Variants in AUTS2 observed in about 807,000 individuals in gnomAD.
The protein encoded by AUTS2 is activator of transcription and developmental regulator AUTS2.
In AUTS2, 17 loss-of-function variants were observed where a neutral mutation model predicts 112.4. That is an observed-to-expected ratio of 0.15 (90% confidence interval 0.10 to 0.23). The LOEUF (loss-of-function observed/expected upper bound fraction) is 0.23, where lower values mean the gene tolerates loss of function less well. AUTS2 is among the 10% of genes least tolerant of loss of function. AUTS2 has a pLI of 1.00. For synonymous variants in AUTS2, 751 were observed against 702.7 expected (o/e 1.07, Z -1.09); for missense variants, 1,510 against 1,701.6 (o/e 0.89, Z 1.98).
intron 5 of AUTS2, among the ~76,000 whole-genome samples, chr7:70,525,830 G>A (rs1351396770): frequency 6.6e-6 from 1 of 152,228 alleles, no homozygotes; most frequent in Non-Finnish European, 1.5e-5. Flanking sequence ...CGAGTGAGGA[G>A]ATGGGCACCT....
At position 70,510,463 on chromosome 7, in the gene AUTS2, T is replaced by C. The variant is rs1055423150; in HGVS notation, c.690+74682T>C. Among the ~76,000 whole-genome samples the C allele has an allele frequency of 5.9e-5, 9 of 152,342 alleles. No homozygotes were observed. In the East Asian group the frequency reaches 1.7e-3, roughly 29 times the overall value. On this transcript the variant is annotated intron_variant, in intron 5 of 18. Transcript: ENST00000342771. Reference sequence around the variant, plus strand: ...TATTTTCATTCCAGTAACACAGTGGTTCTCAAAGAGTGGCCCAGGTACCCA... The same window carrying C: ...TATTTTCATTCCAGTAACACAGTGGCTCTCAAAGAGTGGCCCAGGTACCCA...
chr7:69,929,667 A>C (rs1196619367), intron 2 of AUTS2, among the ~76,000 whole-genome samples: 1 of 152,182 alleles, frequency 6.6e-6, no homozygotes, highest in Non-Finnish European at 1.5e-5. Flanking sequence ...TTCATCTCCG[A>C]CAGCAGTTTC....
At chr7:70,548,933 CCAA>C (rs1398225518) in intron 5 of AUTS2, among the ~76,000 whole-genome samples, 4 of 141,118 alleles carry the variant, frequency 2.8e-5, no homozygotes, top group African/African-American at 1.0e-4. Context: ...TACCCCCCCC[CCAA>C]AAAAAAAAAA....
chr7:69,991,151 C>A (rs1798726804), intron 2 of AUTS2, among the ~76,000 whole-genome samples: 1 of 152,172 alleles, frequency 6.6e-6, no homozygotes, highest in South Asian at 2.1e-4. Context: ...CCAGGCAGAT[C>A]TGCCTTGAAA....
rs569522699 is a variant in AUTS2, at chr7:69,953,867, T to A, written c.522+54369T>A. 3.3e-4 allele frequency among the ~76,000 whole-genome samples: 50 copies of A among 152,278 alleles called. 1 individual carries two copies. The highest frequency in any genetic ancestry group is 1.2e-3 in the African/African-American group (49 of 41,564). ...AAACAAGAGTTGTTTGGGCCCTTAC[T>A]GAGTTCCTACTTTAGAGTCAAGGGC... is the stretch of plus-strand genomic sequence containing the variant. On this transcript the variant is annotated intron_variant, in intron 2 of 18. Coordinates refer to ENST00000342771, the MANE Select transcript of AUTS2 (RefSeq NM_015570.4).
intron 5 of AUTS2, among the ~76,000 whole-genome samples, chr7:70,684,529 C>T (rs1292805858): frequency 6.7e-6 from 1 of 149,064 alleles, no homozygotes; most frequent in Non-Finnish European, 1.5e-5. Flanking sequence ...TATGGTGTGG[C>T]GTGATGTGGT....
chr7:70,672,018 G>A (rs1467442762), intron 5 of AUTS2, among the ~76,000 whole-genome samples: 1 of 152,236 alleles, frequency 6.6e-6, no homozygotes, highest in Non-Finnish European at 1.5e-5. Flanking sequence ...GCAGCCTGAG[G>A]ATTCGGTGAA....
chr7:70,495,281 C>T (rs970864291), intron 5 of AUTS2, among the ~76,000 whole-genome samples: 1 of 151,574 alleles, frequency 6.6e-6, no homozygotes, highest in Non-Finnish European at 1.5e-5. Flanking sequence ...AAGTCCACCC[C>T]CCTTCTACTT....
intron 1 of AUTS2, among the ~76,000 whole-genome samples, chr7:69,729,351 G>A (rs983687952): frequency 1.3e-5 from 2 of 149,842 alleles, no homozygotes; most frequent in African/African-American, 2.5e-5. Context: ...TTTTTGTAGT[G>A]AGAGAAAACT....
chr7:70,343,641 GT>G (rs1313864270), intron 4 of AUTS2, among the ~76,000 whole-genome samples: 1 of 152,186 alleles, frequency 6.6e-6, no homozygotes, highest in Non-Finnish European at 1.5e-5. Context: ...GATGTAACAT[GT>G]AAGGGAAATT....
chr7:70,111,346 G>A (rs1180716145), intron 2 of AUTS2, among the ~76,000 whole-genome samples: 1 of 152,116 alleles, frequency 6.6e-6, no homozygotes, highest in East Asian at 1.9e-4. Context: ...ACAGGATGCT[G>A]ACTTTCTGGA....
At chr7:69,768,064 T>G (rs901872938) in intron 1 of AUTS2, among the ~76,000 whole-genome samples, 1 of 152,202 alleles carries the variant, frequency 6.6e-6, no homozygotes, top group Non-Finnish European at 1.5e-5. Context: ...TCTGTCTACC[T>G]TAGAACCTTC....
intron 1 of AUTS2, among the ~76,000 whole-genome samples, chr7:69,744,691 G>A (rs564398190): frequency 6.6e-6 from 1 of 151,200 alleles, no homozygotes; most frequent in African/African-American, 2.4e-5. Flanking sequence ...AAAAAAATTA[G>A]CCGATGTGGT....
chr7:70,120,213 T>C, intron 3 of AUTS2: 1 of 152,208 alleles, frequency 6.6e-6, no homozygotes, highest in East Asian at 1.9e-4. Context: ...GTGAGGTTTA[T>C]GATGAGATGT....
At chr7:70,693,519 G>A (rs962929439) in intron 5 of AUTS2, among the ~76,000 whole-genome samples, 2 of 152,240 alleles carry the variant, frequency 1.3e-5, no homozygotes, top group African/African-American at 4.8e-5. Flanking sequence ...GCACACTGCG[G>A]TCAGTCGGCT....
At chr7:70,592,655 G>A (rs760832056) in intron 5 of AUTS2, among the ~76,000 whole-genome samples, 8 of 152,006 alleles carry the variant, frequency 5.3e-5, no homozygotes, top group African/African-American at 1.4e-4. Flanking sequence ...GAGCTACCAC[G>A]TCCACTGCCT....
At chr7:70,517,703 TATACAC>T (rs1406809619) in intron 5 of AUTS2, among the ~76,000 whole-genome samples, 1 of 151,680 alleles carries the variant, frequency 6.6e-6, no homozygotes, top group African/African-American at 2.4e-5. Context: ...GTTCACTTAA[TATACAC>T]ATACATAGTT....
chr7:69,834,909 A>G lies in AUTS2; in HGVS notation c.310-64377A>G, dbSNP rs183594919. ...TTCTTTTCTTGTTCTCGTCTTATAA[A>G]TTATGTTCACACTTTTCCTTTTTTC... On this transcript the variant is annotated intron_variant, in intron 1 of 18. Transcript: ENST00000342771. 4.1e-3 allele frequency among the ~76,000 whole-genome samples: 622 copies of G among 152,114 alleles called. 6 individuals carry two copies. The highest frequency in any genetic ancestry group is 0.014 in the African/African-American group (579 of 41,500).
chr7:69,707,612 T>C (rs1370382904), intron 1 of AUTS2, among the ~76,000 whole-genome samples: 1 of 152,226 alleles, frequency 6.6e-6, no homozygotes, highest in Non-Finnish European at 1.5e-5. Context: ...TCAACAAATA[T>C]TTGAATGAAC....
Sources: gnomAD v4.1 joint callset for allele counts (sites outside exome capture counted in the v4.1 genomes callset) on GRCh38, gnomAD v4.1.1 for gene constraint, MANE v1.5 for transcripts, NCBI Gene and HGNC (gene_info 2026-07-23, HGNC 2026-07-21) for gene names.